Variants in CDH18 observed in about 807,000 individuals in gnomAD.
CDH18 encodes the protein cadherin-18.
Under a neutral mutation model 67.9 loss-of-function variants are expected in CDH18, and 31 were observed. The observed-to-expected ratio is 0.46, with a 90% CI of 0.34 to 0.62. The LOEUF is 0.62. CDH18 is among the 20% of genes least tolerant of loss of function. The probability of loss-of-function intolerance (pLI) is 0.01; values close to 1 mark genes in which losing one functional copy is unlikely to be tolerated. For synonymous variants in CDH18, 362 were observed against 347.2 expected, an observed-to-expected ratio of 1.04 and a Z score of -0.48; for missense variants, 890 against 975.5, an observed-to-expected ratio of 0.91 and a Z score of 1.17.
At chr5:20,176,354 CA>C (rs1737235096) in intron 2 of CDH18, among the ~76,000 whole-genome samples, 1 of 152,144 alleles carries the variant, frequency 6.6e-6, no homozygotes, top group South Asian at 2.1e-4. Context: ...TATTTAATGA[CA>C]AAGAATTCCT....
chr5:20,004,816 G>A (rs1736755545), intron 2 of CDH18, among the ~76,000 whole-genome samples: 1 of 152,134 alleles, frequency 6.6e-6, no homozygotes, highest in African/African-American at 2.4e-5. Context: ...ATATAAAGAG[G>A]AATAGTGGGT....
chr5:20,500,960 C>A (rs1754213498), intron 1 of CDH18, among the ~76,000 whole-genome samples: 1 of 152,102 alleles, frequency 6.6e-6, no homozygotes, highest in South Asian at 2.1e-4. Context: ...AAGAATGATG[C>A]TATAGTTCAA....
chr5:19,895,899 G>T (rs2150096808), intron 2 of CDH18, among the ~76,000 whole-genome samples: 1 of 152,174 alleles, frequency 6.6e-6, no homozygotes, highest in East Asian at 1.9e-4. Context: ...GGTAAAAGGG[G>T]CTGTTCTGTA....
chr5:19,692,981 T>G (rs1356977031), intron 5 of CDH18, among the ~76,000 whole-genome samples: 3 of 152,110 alleles, frequency 2.0e-5, no homozygotes, highest in Non-Finnish European at 2.9e-5. Flanking sequence ...AGCAAAGCTA[T>G]GGAATCAACC....
intron 10 of CDH18, among the ~76,000 whole-genome samples, chr5:19,507,620 C>G (rs1011485970): frequency 5.9e-5 from 9 of 152,058 alleles, no homozygotes; most frequent in African/African-American, 1.9e-4. Context: ...ATGGATGAAG[C>G]TGGAAACCGT....
chr5:19,520,526 C>A, intron 10 of CDH18, 131 bp downstream of exon 10: 1 of 742,176 alleles, frequency 1.3e-6, no homozygotes. Context: ...TAAAATAAAG[C>A]TTTATGAAAT....
At chr5:19,582,540 T>G (rs1275003561) in intron 7 of CDH18, among the ~76,000 whole-genome samples, 1 of 150,252 alleles carries the variant, frequency 6.7e-6, no homozygotes, top group Admixed American at 6.6e-5. Context: ...AATTGAAACT[T>G]GGAATTCCTC....
intron 3 of CDH18, among the ~76,000 whole-genome samples, chr5:19,823,266 G>C (rs2149957638): frequency 6.6e-6 from 1 of 152,272 alleles, no homozygotes; most frequent in South Asian, 2.1e-4. Flanking sequence ...TTACAAAAAT[G>C]ATGGGATTAA....
Position 20,260,090 on chromosome 5 carries a change from C to T in CDH18, c.-579-4585G>A, listed in dbSNP as rs1309418588. On this transcript the variant is annotated intron_variant, in intron 1 of 14. Coordinates refer to the CDH18 transcript ENST00000507958. ...TTCCATAAATTAAAGGTATGCCTTA[C>T]AGATTTTCTCAACCAAGAGCCATAG... is the stretch of plus-strand genomic sequence containing the variant. Among the ~76,000 whole-genome samples, 4 of 151,734 alleles carry T rather than the reference C, an allele frequency of 2.6e-5. No homozygotes were observed. The East Asian group carries it at 7.9e-4, about 30-fold the overall frequency.
At chr5:20,014,759 G>A (rs974381963) in intron 2 of CDH18, among the ~76,000 whole-genome samples, 11 of 152,048 alleles carry the variant, frequency 7.2e-5, no homozygotes, top group Admixed American at 5.9e-4. Context: ...CTGAGTAAGC[G>A]CCATTCAGAA....
chr5:19,979,808 T>C (rs570509787), intron 2 of CDH18, among the ~76,000 whole-genome samples: 2 of 152,276 alleles, frequency 1.3e-5, no homozygotes, highest in East Asian at 1.9e-4. Context: ...CAGATTCACA[T>C]TGATGTAATA....
chr5:20,035,619 G>T (rs1739788148), intron 2 of CDH18, among the ~76,000 whole-genome samples: 1 of 151,926 alleles, frequency 6.6e-6, no homozygotes, highest in South Asian at 2.1e-4. Context: ...CATGAGAACA[G>T]CATGGGAGAA....
At chr5:20,233,683 TTTTC>T (rs1742257662) in intron 2 of CDH18, among the ~76,000 whole-genome samples, 1 of 152,114 alleles carries the variant, frequency 6.6e-6, no homozygotes. Flanking sequence ...AATGAATTTA[TTTTC>T]TTTATTGTAT....
At chr5:19,631,015 T>C (rs1752345678) in intron 5 of CDH18, among the ~76,000 whole-genome samples, 1 of 151,964 alleles carries the variant, frequency 6.6e-6, no homozygotes, top group Non-Finnish European at 1.5e-5. Flanking sequence ...ACTGCTTATT[T>C]TAATGCTCTT....
chr5:20,508,381 A>C (rs1393675164), intron 1 of CDH18, among the ~76,000 whole-genome samples: 3 of 142,000 alleles, frequency 2.1e-5, no homozygotes, highest in African/African-American at 7.7e-5. Context: ...ATTTATTTGG[A>C]AAACTTTTGC....
intron 1 of CDH18, among the ~76,000 whole-genome samples, chr5:20,496,395 A>C (rs548332723): frequency 6.0e-4 from 92 of 152,276 alleles, no homozygotes; most frequent in Non-Finnish European, 9.4e-4. Context: ...CATGATTTTT[A>C]GGATAAAAAT....
At chr5:19,768,679 C>T (rs1773379227) in intron 3 of CDH18, among the ~76,000 whole-genome samples, 1 of 152,048 alleles carries the variant, frequency 6.6e-6, no homozygotes, top group Non-Finnish European at 1.5e-5. Context: ...CAAGCAAATA[C>T]AACCAGAAAT....
intron 8 of CDH18, among the ~76,000 whole-genome samples, chr5:19,545,788 A>C (rs1193658826): frequency 6.6e-6 from 1 of 152,230 alleles, no homozygotes; most frequent in African/African-American, 2.4e-5. Context: ...CATGTGGAAT[A>C]AAAAGCAAAA....
At chr5:20,241,767 G>A (rs1476943720) in intron 2 of CDH18, among the ~76,000 whole-genome samples, 1 of 151,204 alleles carries the variant, frequency 6.6e-6, no homozygotes, top group Non-Finnish European at 1.5e-5. Context: ...CAGGAGAATG[G>A]CGTGAACCCG....
Sources: allele counts gnomAD v4.1 joint callset (sites outside exome capture counted in the v4.1 genomes callset), GRCh38; gene constraint gnomAD v4.1.1; transcripts MANE v1.5; gene names NCBI Gene and HGNC (gene_info 2026-07-23, HGNC 2026-07-21).